PCSK2: variants seen among roughly 807,000 people sequenced by gnomAD.
The protein encoded by PCSK2 is neuroendocrine convertase 2.
In PCSK2, 14 loss-of-function variants were observed where a neutral mutation model predicts 69.7. That is an observed-to-expected ratio of 0.20 (90% CI 0.13 to 0.31). The LOEUF (loss-of-function observed/expected upper bound fraction) is 0.31. PCSK2 is among the 10% of genes least tolerant of loss of function. The pLI is 1.00. For synonymous variants in PCSK2, 307 were observed against 320.7 expected (o/e 0.96, Z 0.46); for missense variants, 544 against 842.5 (o/e 0.65, Z 4.39).
chr20:17,310,080 CA>C (rs1236821124), intron 2 of PCSK2, among the ~76,000 whole-genome samples: 1 of 151,810 alleles, frequency 6.6e-6, no homozygotes, highest in Non-Finnish European at 1.5e-5. Context: ...GGAGCAGGAG[CA>C]AGAGAAAGAG....
chr20:17,363,299 T>C (rs193118602), intron 4 of PCSK2, among the ~76,000 whole-genome samples: 281 of 152,322 alleles, frequency 1.8e-3, no homozygotes, highest in Non-Finnish European at 2.7e-3. Context: ...CAATGGATGC[T>C]CAATAAATAT....
chr20:17,355,936 C>G (rs1273918039), intron 2 of PCSK2, among the ~76,000 whole-genome samples: 2 of 152,184 alleles, frequency 1.3e-5, no homozygotes, highest in Non-Finnish European at 2.9e-5. Flanking sequence ...ACTTTGTTCA[C>G]TGTTCTTTAC....
intron 5 of PCSK2, among the ~76,000 whole-genome samples, chr20:17,370,727 C>G (rs1241251197): frequency 6.6e-6 from 1 of 152,176 alleles, no homozygotes; most frequent in Non-Finnish European, 1.5e-5. Flanking sequence ...AAAGGGACTG[C>G]CCTGGACACA....
Position 17,436,808 on chromosome 20 carries a change from C to T in PCSK2, c.810C>T (p.Gly270=). The T allele has an allele frequency of 6.2e-7, 1 of 1,614,028 alleles. No homozygotes were observed. Among genetic ancestry groups the T allele is most frequent in the South Asian group, 1.1e-5 (1 of 91,090 alleles). ...QLIDIYSASW[G]PTDNGKTVDG... is the part of the protein sequence containing the mutation. ...TTGACATCTACAGCGCCAGCTGGGGCCCCACAGACAACGGCAAGACAGTGG... is the reference window on the plus strand; with the variant it reads ...TTGACATCTACAGCGCCAGCTGGGGTCCCACAGACAACGGCAAGACAGTGG... Residue 270 remains glycine, a synonymous_variant, in exon 8 of 12, where the codon GGC becomes GGT. Transcript: ENST00000262545.
intron 5 of PCSK2, among the ~76,000 whole-genome samples, chr20:17,381,285 G>T (rs2031080021): frequency 6.6e-6 from 1 of 152,236 alleles, no homozygotes; most frequent in Non-Finnish European, 1.5e-5. Context: ...ACATCACCGG[G>T]AGTATTATGG....
intron 2 of PCSK2, among the ~76,000 whole-genome samples, chr20:17,328,179 A>C (rs1164364204): frequency 6.6e-6 from 1 of 152,200 alleles, no homozygotes; most frequent in South Asian, 2.1e-4. Flanking sequence ...GCATTTTTAA[A>C]TTTAAGTTTC....
intron 4 of PCSK2, among the ~76,000 whole-genome samples, chr20:17,365,071 T>A (rs1224698968): frequency 6.6e-6 from 1 of 152,204 alleles, no homozygotes; most frequent in East Asian, 1.9e-4. Context: ...CCTGATGCTG[T>A]AACAAAATAC....
chr20:17,370,388 C>A (rs11698597), intron 5 of PCSK2, among the ~76,000 whole-genome samples: 2 of 152,040 alleles, frequency 1.3e-5, no homozygotes, highest in Non-Finnish European at 2.9e-5. Flanking sequence ...CACTGGGCAA[C>A]AAGAAACAAG....
At chr20:17,360,036 G>T (rs764369876) in intron 3 of PCSK2, among the ~76,000 whole-genome samples, 3 of 152,136 alleles carry the variant, frequency 2.0e-5, no homozygotes, top group Non-Finnish European at 4.4e-5. Context: ...ACTTAGTGTG[G>T]TGGCACTGAA....
chr20:17,269,802 C>T (rs565294790), intron 2 of PCSK2, among the ~76,000 whole-genome samples: 1 of 152,070 alleles, frequency 6.6e-6, no homozygotes, highest in Non-Finnish European at 1.5e-5. Flanking sequence ...GAATTGGGCA[C>T]CTCTTTTTAA....
chr20:17,379,820 T>C (rs1010785029), intron 5 of PCSK2, among the ~76,000 whole-genome samples: 1 of 152,212 alleles, frequency 6.6e-6, no homozygotes, highest in Non-Finnish European at 1.5e-5. Context: ...AAGGAAAGAC[T>C]ATCCTGGGTG....
At chr20:17,372,066 T>C (rs2030780563) in intron 5 of PCSK2, among the ~76,000 whole-genome samples, 1 of 152,156 alleles carries the variant, frequency 6.6e-6, no homozygotes, top group African/African-American at 2.4e-5. Flanking sequence ...CACCAATGGG[T>C]GGTAACCACA....
intron 2 of PCSK2, among the ~76,000 whole-genome samples, chr20:17,344,597 ATCAGGAATTT>A (rs1990596003): frequency 6.6e-6 from 1 of 151,708 alleles, no homozygotes; most frequent in Non-Finnish European, 1.5e-5. Flanking sequence ...GTTTAAGGAG[ATCAGGAATTT>A]TCAAGAATTC....
intron 2 of PCSK2, among the ~76,000 whole-genome samples, chr20:17,268,033 G>GTATGTATATATA (rs1433692727): frequency 1.1e-4 from 7 of 66,340 alleles, no homozygotes; most frequent in Non-Finnish European, 1.5e-4. Flanking sequence ...TATCCAATGT[G>GTATGTATATATA]TATATATATA....
At chr20:17,427,220 G>C (rs1018938497) in intron 6 of PCSK2, among the ~76,000 whole-genome samples, 1 of 152,284 alleles carries the variant, frequency 6.6e-6, no homozygotes, top group Middle Eastern at 3.4e-3. Flanking sequence ...TGGTAAAAGA[G>C]GTTGTTTTAT....
rs1987979301 is a variant in PCSK2, at chr20:17,274,400, G to A, written c.282+14056G>A. Reference sequence around the variant, plus strand: ...GTAGAGTCTATTTATTCACCCATGTGAAGGCTCTGTAACATTTTATCTGGT... The same window carrying A: ...GTAGAGTCTATTTATTCACCCATGTAAAGGCTCTGTAACATTTTATCTGGT... On this transcript the variant is annotated intron_variant, in intron 2 of 11. Transcript: ENST00000262545. Among the ~76,000 whole-genome samples the A allele has an allele frequency of 2.0e-5, 3 of 152,174 alleles. No individual in the cohort carries two copies. In the South Asian group the frequency reaches 6.2e-4, roughly 32 times the overall value.
At chr20:17,274,822 G>A (rs574952872) in intron 2 of PCSK2, among the ~76,000 whole-genome samples, 2 of 151,946 alleles carry the variant, frequency 1.3e-5, no homozygotes, top group South Asian at 2.1e-4. Flanking sequence ...GAAGACAAAC[G>A]AATTTTCCCA....
chr20:17,336,121 A>G (rs1319956392), intron 2 of PCSK2, among the ~76,000 whole-genome samples: 1 of 152,218 alleles, frequency 6.6e-6, no homozygotes, highest in African/African-American at 2.4e-5. Flanking sequence ...CACAATTGTA[A>G]TACCACTTTA....
intron 11 of PCSK2, among the ~76,000 whole-genome samples, chr20:17,477,587 G>A (rs879756836): frequency 4.6e-5 from 7 of 152,192 alleles, no homozygotes; most frequent in African/African-American, 7.2e-5. Context: ...AGATCACTGC[G>A]TTGAACTCCT....
Sources: gnomAD v4.1 joint callset for allele counts (sites outside exome capture counted in the v4.1 genomes callset) on GRCh38, gnomAD v4.1.1 for gene constraint, MANE v1.5 for transcripts, NCBI Gene and HGNC (gene_info 2026-07-23, HGNC 2026-07-21) for gene names.